RAP1GAP2: variants seen among roughly 807,000 people sequenced by gnomAD.
RAP1GAP2 encodes RAP1 GTPase activating protein 2.
A neutral mutation model predicts 95.0 loss-of-function variants in RAP1GAP2; 27 were observed. That is an observed-to-expected ratio of 0.28 (90% confidence interval 0.21 to 0.39). The LOEUF (loss-of-function observed/expected upper bound fraction) is 0.39, where lower values mean the gene tolerates loss of function less well. Ranked by LOEUF, RAP1GAP2 falls within the 10% of genes least tolerant of loss-of-function variation. RAP1GAP2 has a pLI of 1.00. For synonymous variants in RAP1GAP2, 373 were observed against 380.9 expected (o/e 0.98, Z 0.24); for missense variants, 771 against 970.0 (o/e 0.79, Z 2.72).
In RAP1GAP2 at chr17:3,036,147, C is replaced by T. The variant is rs758303326; in HGVS notation, c.*2786C>T. The T allele has an allele frequency of 1.3e-5, 2 of 152,240 alleles. No individual in the cohort carries two copies. Among genetic ancestry groups the T allele is most frequent in the Admixed American group, 6.5e-5 (1 of 15,284 alleles). 9.4% of individuals were successfully genotyped at this position (152,240 alleles called of 1,614,324 possible). A position where few individuals can be genotyped will look rare whatever the true frequency, so the allele number is the denominator to read the frequency against. On this transcript the variant is annotated 3_prime_UTR_variant, in exon 25 of 25. Transcript: ENST00000254695. ...AATGAGAGTGTCTGTCTATGCCAAT[C>T]ATGTAAAATGACGTTTCTTGAAAAA...
chr17:2,967,654 G>A lies in RAP1GAP2; in HGVS notation c.596+2011G>A, dbSNP rs149169891. Among the ~76,000 whole-genome samples, 88 of 152,242 alleles carry A rather than the reference G, an allele frequency of 5.8e-4. 1 individual carries two copies. The East Asian group carries it at 0.017, about 29-fold the overall frequency. On this transcript the variant is annotated intron_variant, in intron 8 of 24. Coordinates refer to ENST00000254695, the MANE Select transcript of RAP1GAP2 (RefSeq NM_015085.5). ...AAGCCGTACCCCAGCTCGGAAGTTG[G>A]GCAGTCACATCATGTACTTGGAGTG...
chr17:2,935,006 T>A (rs771190397), intron 3 of RAP1GAP2, among the ~76,000 whole-genome samples: 4 of 152,170 alleles, frequency 2.6e-5, no homozygotes, highest in Non-Finnish European at 5.9e-5. Flanking sequence ...CCTCTCAGCA[T>A]CCTGTACCAT....
At chr17:2,816,314 T>G (rs6502536) in intron 2 of RAP1GAP2, among the ~76,000 whole-genome samples, 118,723 of 150,790 alleles carry the variant, frequency 0.79, 47,470 homozygotes, top group African/African-American at 0.93. Flanking sequence ...TTAACATTTT[T>G]TCTCATTTTC....
chr17:2,767,767 C>G lies in RAP1GAP2; in HGVS notation c.51-2562C>G, dbSNP rs138368967. 4.8e-3 allele frequency among the ~76,000 whole-genome samples: 713 copies of G among 149,340 alleles called. 6 individuals are homozygous for G. The highest frequency in any genetic ancestry group is 0.016 in the African/African-American group (658 of 40,678). ...TTTTTTTTTTTGAGATGGACTCACT[C>G]TCTCTCCCAGGCTGGAGTGCGGTGG... On this transcript the variant is annotated intron_variant, in intron 1 of 25. Transcript: ENST00000637138.
chr17:2,984,523 C>T (rs891373326), intron 10 of RAP1GAP2, among the ~76,000 whole-genome samples: 1 of 152,172 alleles, frequency 6.6e-6, no homozygotes, highest in African/African-American at 2.4e-5. Flanking sequence ...TCCTTAGAGA[C>T]CTCTCATTTT....
At chr17:2,862,203 T>C (rs1426802971) in intron 2 of RAP1GAP2, among the ~76,000 whole-genome samples, 1 of 152,214 alleles carries the variant, frequency 6.6e-6, no homozygotes, top group Non-Finnish European at 1.5e-5. Context: ...TTCTTGACAC[T>C]GCGTTCCTAA....
At chr17:2,786,191 G>A (rs181682445) in intron 1 of RAP1GAP2, among the ~76,000 whole-genome samples, 4 of 152,258 alleles carry the variant, frequency 2.6e-5, no homozygotes, top group East Asian at 3.9e-4. Flanking sequence ...GTGAGCCACC[G>A]CGCCCAGCCT....
At chr17:2,984,943 T>C in intron 10 of RAP1GAP2, 40 bp from the exon 11 acceptor site, 2 of 1,606,182 alleles carry the variant, frequency 1.2e-6, no homozygotes, top group Non-Finnish European at 8.5e-7. Context: ...CTTCCAAATT[T>C]AACAAATGTT....
intron 3 of RAP1GAP2, among the ~76,000 whole-genome samples, chr17:2,919,225 C>CCCAGCATCTGAGCCAGA (rs2042672259): frequency 3.9e-5 from 6 of 152,136 alleles, no homozygotes; most frequent in Admixed American, 1.3e-4. Flanking sequence ...CAGGATCCAG[C>CCCAGCATCTGAGCCAGA]CCAGCATCTG....
upstream of RAP1GAP2, among the ~76,000 whole-genome samples, chr17:2,776,133 C>T (rs1445544552): frequency 8.5e-5 from 13 of 152,084 alleles, no homozygotes; most frequent in Non-Finnish European, 1.5e-4. Context: ...GAGCCGAGAT[C>T]GCGCCACTGC....
intron 3 of RAP1GAP2, among the ~76,000 whole-genome samples, chr17:2,926,443 C>T (rs1453666322): frequency 2.0e-5 from 3 of 152,186 alleles, no homozygotes; most frequent in African/African-American, 7.2e-5. Flanking sequence ...CAATAAAGCT[C>T]ACTGCACACT....
In RAP1GAP2 at chr17:2,910,326, C is replaced by A. The variant is rs550210751; in HGVS notation, c.165+4958C>A. 3.9e-5 allele frequency among the ~76,000 whole-genome samples: 6 copies of A among 152,308 alleles called. No individual in the cohort carries two copies. In the South Asian group the frequency reaches 1.2e-3, roughly 32 times the overall value. ...CTTCTGGCTGGATCCTATATCCCAG[C>A]AGGCCTGGGCTCCACCTGCCACATC... On this transcript the variant is annotated intron_variant, in intron 3 of 24. Coordinates refer to ENST00000254695, the MANE Select transcript of RAP1GAP2 (RefSeq NM_015085.5).
At chr17:2,802,648 T>C (rs1399258866) in intron 2 of RAP1GAP2, among the ~76,000 whole-genome samples, 3 of 151,834 alleles carry the variant, frequency 2.0e-5, no homozygotes, top group Non-Finnish European at 4.4e-5. Context: ...GAGGTGGAGG[T>C]TGCAGTGAGG....
chr17:2,984,432 A>G (rs2151546408), intron 10 of RAP1GAP2, among the ~76,000 whole-genome samples: 1 of 152,332 alleles, frequency 6.6e-6, no homozygotes, highest in South Asian at 2.1e-4. Context: ...CGTAACGGAA[A>G]ATTAGATAGA....
rs945407498 is a variant in RAP1GAP2, at chr17:2,906,532, A to T, written c.165+1164A>T. Among the ~76,000 whole-genome samples, 1 of 151,834 alleles carries T rather than the reference A, an allele frequency of 6.6e-6. No homozygotes were observed. Among genetic ancestry groups the T allele is most frequent in the African/African-American group, 2.4e-5 (1 of 41,330 alleles). ...AGCTGTGCTGTCTTCCTTGTGCAGT[A>T]CCCAGAGGGCAGTGGAAGCCAGACC... On this transcript the variant is annotated intron_variant, in intron 3 of 24. Transcript: ENST00000254695. The surrounding 1 kb of genome is among the most constrained non-coding windows in gnomAD (Gnocchi z 4.3).
At chr17:2,853,894 CCGG>C in intron 2 of RAP1GAP2, 1 of 975,118 alleles carries the variant, frequency 1.0e-6, no homozygotes, top group Non-Finnish European at 1.2e-6. Context: ...GAGGCGGAGG[CCGG>C]GGGCCGGGGC....
chr17:2,819,648 G>A (rs559045638), intron 2 of RAP1GAP2, among the ~76,000 whole-genome samples: 1 of 151,558 alleles, frequency 6.6e-6, no homozygotes, highest in African/African-American at 2.4e-5. Context: ...TAATTTTTGT[G>A]TTTTTGGTAG....
chr17:2,853,162 G>T (rs2071950408), intron 2 of RAP1GAP2, among the ~76,000 whole-genome samples: 1 of 152,120 alleles, frequency 6.6e-6, no homozygotes, highest in Non-Finnish European at 1.5e-5. Flanking sequence ...TCCTTGCGCC[G>T]ACTCTGCGGG....
chr17:2,966,139 G>T (rs2044586633), intron 8 of RAP1GAP2, among the ~76,000 whole-genome samples: 2 of 152,204 alleles, frequency 1.3e-5, no homozygotes, highest in African/African-American at 4.8e-5. Context: ...GGAAGCCAGG[G>T]CACCTCTCTC....
Sources: gnomAD v4.1 joint callset for allele counts (sites outside exome capture counted in the v4.1 genomes callset) on GRCh38, gnomAD v4.1.1 for gene constraint, Gnocchi (gnomAD v3.1) non-coding constraint, MANE v1.5 for transcripts, NCBI Gene and HGNC (gene_info 2026-07-23, HGNC 2026-07-21) for gene names.